Variants in GPATCH2 observed in about 807,000 individuals in gnomAD.
GPATCH2 encodes G patch domain-containing protein 2.
GPATCH2 carries 51 observed loss-of-function variants against 58.0 expected under a neutral mutation model. The observed-to-expected ratio is 0.88, with a 90% CI of 0.70 to 1.11. The LOEUF (loss-of-function observed/expected upper bound fraction) is 1.11, where lower values mean the gene tolerates loss of function less well. Among genes scored for constraint, GPATCH2 ranks in the 50% most tolerant of loss-of-function variants. The probability of loss-of-function intolerance (pLI) is 0.00; values close to 1 mark genes in which losing one functional copy is unlikely to be tolerated. For synonymous variants in GPATCH2, 222 were observed against 218.5 expected (o/e 1.02, Z -0.14); for missense variants, 625 against 652.2 (o/e 0.96, Z 0.45).
chr1:217,493,900 T>C (rs1468773209), intron 7 of GPATCH2, among the ~76,000 whole-genome samples: 1 of 152,080 alleles, frequency 6.6e-6, no homozygotes. Context: ...ACACTATTCC[T>C]GAGGCTTGTG....
intron 5 of GPATCH2, chr1:217,609,466 A>G (rs887751109): frequency 4.1e-6 from 4 of 983,642 alleles, no homozygotes; most frequent in African/African-American, 1.7e-5. Flanking sequence ...AGTGCAGACT[A>G]GTTATCACTG....
chr1:217,511,985 G>A (rs1019320453), intron 6 of GPATCH2, among the ~76,000 whole-genome samples: 7 of 152,228 alleles, frequency 4.6e-5, no homozygotes, highest in East Asian at 3.9e-4. Flanking sequence ...TAAGGGGTGC[G>A]CCTGAAGAAA....
chr1:217,630,336 A>C (rs1669683799), intron 1 of GPATCH2, among the ~76,000 whole-genome samples: 2 of 152,166 alleles, frequency 1.3e-5, no homozygotes, highest in South Asian at 4.1e-4. Flanking sequence ...GATACCATAG[A>C]CATAGTCAAG....
In GPATCH2 at chr1:217,456,783, C is replaced by A. The variant is rs568838720; in HGVS notation, c.1278-7446G>T. Among the ~76,000 whole-genome samples, 7 of 152,260 alleles carry A rather than the reference C, an allele frequency of 4.6e-5. No homozygotes were observed. In the South Asian group the frequency reaches 1.5e-3, roughly 32 times the overall value. ...ATAGAAAATACTTGTCTTAAAATAT[C>A]ATTGGAATATTTAAAAATATGCCAC... On this transcript the variant is annotated intron_variant, in intron 8 of 9. Transcript: ENST00000366935.
At chr1:217,494,371 G>C (rs1214054665) in intron 7 of GPATCH2, among the ~76,000 whole-genome samples, 1 of 152,152 alleles carries the variant, frequency 6.6e-6, no homozygotes, top group East Asian at 1.9e-4. Context: ...GTTAATATGT[G>C]AGCTTAGATC....
At chr1:217,500,257 AT>A (rs1662231648) in intron 6 of GPATCH2, among the ~76,000 whole-genome samples, 1 of 152,050 alleles carries the variant, frequency 6.6e-6, no homozygotes, top group African/African-American at 2.4e-5. Context: ...ATATTAAAAA[AT>A]ATCTGAAAAT....
At position 217,514,825 on chromosome 1, in the gene GPATCH2, T is replaced by G; in HGVS notation, c.1163A>C (p.His388Pro). The G allele has an allele frequency of 6.9e-7, 1 of 1,454,206 alleles. No individual in the cohort carries two copies. Among genetic ancestry groups the G allele is most frequent in the East Asian group, 2.3e-5 (1 of 44,078 alleles). The allele number at this position is 1,454,206 out of a possible 1,614,324, so 90.1% of individuals were successfully genotyped here. ...TATAAACACACTGAGTACTCACTCA[T>G]GGTGATGAGAATCCGGGGAAAAATG... ...MVHFSPDSHHHDHWFSPGART... is the reference protein window; with the variant it reads ...MVHFSPDSHHPDHWFSPGART... Residue 388 changes from histidine (H) to proline (P), a missense_variant, in exon 6 of 10, where the codon CAT becomes CCT. By Grantham distance (77) the His-to-Pro change is moderately conservative. Transcript: ENST00000366935.
intron 7 of GPATCH2, among the ~76,000 whole-genome samples, chr1:217,493,888 G>C (rs893009795): frequency 1.3e-5 from 2 of 151,848 alleles, no homozygotes; most frequent in Admixed American, 6.6e-5. Context: ...ACAGATACTT[G>C]AACACTATTC....
chr1:217,459,889 T>A (rs1208941263), intron 8 of GPATCH2, among the ~76,000 whole-genome samples: 1 of 152,194 alleles, frequency 6.6e-6, no homozygotes, highest in African/African-American at 2.4e-5. Flanking sequence ...TCTCAGACTC[T>A]AAGCCAAGCT....
chr1:217,533,184 C>T (rs1415154757), intron 5 of GPATCH2, among the ~76,000 whole-genome samples: 2 of 151,982 alleles, frequency 1.3e-5, no homozygotes, highest in South Asian at 2.1e-4. Context: ...GCTGGAATTA[C>T]AGGCATAAAC....
At chr1:217,606,129 T>C (rs762504752) in intron 5 of GPATCH2, among the ~76,000 whole-genome samples, 4 of 151,768 alleles carry the variant, frequency 2.6e-5, no homozygotes, top group African/African-American at 4.8e-5. Context: ...ATAGGTTAAA[T>C]AGATCAGGAC....
rs544068910 is a variant in GPATCH2 at position 217,474,705 on chromosome 1, C to T, written c.1277+16975G>A. Among the ~76,000 whole-genome samples, 14 of 152,292 alleles carry T rather than the reference C, an allele frequency of 9.2e-5. 1 individual carries two copies. In the South Asian group the frequency reaches 1.0e-3, roughly 11 times the overall value. On this transcript the variant is annotated intron_variant, in intron 8 of 9. Coordinates refer to ENST00000366935, the MANE Select transcript of GPATCH2 (RefSeq NM_018040.5). ...CAAAGTCTTGGCTTTGAATCATGAA[C>T]AGCGGACCATCTATGCATTTATCTT... is the stretch of plus-strand genomic sequence containing the variant.
At chr1:217,522,166 C>T (rs76892907) in intron 5 of GPATCH2, among the ~76,000 whole-genome samples, 1 of 151,942 alleles carries the variant, frequency 6.6e-6, no homozygotes, top group African/African-American at 2.4e-5. Flanking sequence ...CTAGTTAAAG[C>T]CATTCTGCAT....
Position 217,584,437 on chromosome 1 carries a change from G to C in GPATCH2, c.1098+25884C>G, listed in dbSNP as rs542760590. ...CCAGCTACTTGGGAGGCTGAGGCAG[G>C]AGAGTTGCTTGAACCCGGGAGGCGG... On this transcript the variant is annotated intron_variant, in intron 5 of 9. Coordinates refer to ENST00000366935, the MANE Select transcript of GPATCH2 (RefSeq NM_018040.5). Among the ~76,000 whole-genome samples the C allele has an allele frequency of 6.6e-5, 10 of 150,948 alleles. No homozygotes were observed. The South Asian group carries it at 1.7e-3, about 25-fold the overall frequency.
chr1:217,470,040 G>A (rs1226223068), intron 8 of GPATCH2, among the ~76,000 whole-genome samples: 1 of 152,160 alleles, frequency 6.6e-6, no homozygotes, highest in Non-Finnish European at 1.5e-5. Flanking sequence ...CTGCAGTAGT[G>A]ATACAAGCTG....
intron 5 of GPATCH2, chr1:217,608,648 T>G (rs1046927338): frequency 3.0e-6 from 3 of 984,476 alleles, no homozygotes; most frequent in Non-Finnish European, 3.6e-6. Flanking sequence ...TCTAGATTCA[T>G]GATTGATAAG....
At chr1:217,579,651 A>T (rs1337217800) in intron 5 of GPATCH2, among the ~76,000 whole-genome samples, 3 of 152,248 alleles carry the variant, frequency 2.0e-5, no homozygotes, top group Middle Eastern at 3.4e-3. Flanking sequence ...GACCACCAAA[A>T]TACTTACTTT....
chr1:217,558,184 A>C (rs1284390432), intron 5 of GPATCH2, among the ~76,000 whole-genome samples: 1 of 152,218 alleles, frequency 6.6e-6, no homozygotes, highest in Non-Finnish European at 1.5e-5. Context: ...AATCTTGAAC[A>C]AATCATTCAC....
chr1:217,491,636 A>C (rs762694241), intron 8 of GPATCH2, 44 bp downstream of exon 8: 1 of 927,328 alleles, frequency 1.1e-6, no homozygotes, highest in Non-Finnish European at 1.7e-6. Flanking sequence ...TAGGCATAGA[A>C]AAAAAGAAAA....
Sources: gnomAD v4.1 joint callset for allele counts (sites outside exome capture counted in the v4.1 genomes callset) on GRCh38, gnomAD v4.1.1 for gene constraint, MANE v1.5 for transcripts, NCBI Gene and HGNC (gene_info 2026-07-23, HGNC 2026-07-21) for gene names.